RGS7: variants seen among roughly 807,000 people sequenced by gnomAD.
The protein encoded by RGS7 is regulator of G-protein signaling 7.
Under a neutral mutation model 81.1 loss-of-function variants are expected in RGS7, and 27 were observed. The ratio of observed to expected loss-of-function variants is 0.33; its 90% CI spans 0.25 to 0.46. The LOEUF (loss-of-function observed/expected upper bound fraction) is 0.46, where lower values mean the gene tolerates loss of function less well. RGS7 is among the 20% of genes least tolerant of loss of function. The pLI, the probability that RGS7 is intolerant of heterozygous loss-of-function variation, is 1.00. For synonymous variants in RGS7, 208 were observed against 207.7 expected, an observed-to-expected ratio of 1.00 and a Z score of -0.01; for missense variants, 396 against 607.4, an observed-to-expected ratio of 0.65 and a Z score of 3.66.
intron 2 of RGS7, among the ~76,000 whole-genome samples, chr1:241,335,992 G>C (rs1376563718): frequency 2.0e-5 from 3 of 152,026 alleles, no homozygotes; most frequent in Non-Finnish European, 4.4e-5. Flanking sequence ...AGAGTAGTGT[G>C]ATTATGATTG....
intron 9 of RGS7, among the ~76,000 whole-genome samples, chr1:240,864,569 C>A (rs551967605): frequency 6.6e-6 from 1 of 152,258 alleles, no homozygotes; most frequent in Admixed American, 6.5e-5. Context: ...CTAAGTCTTG[C>A]GTTCCTGCAC....
At chr1:241,041,469 A>G (rs2060613414) in intron 3 of RGS7, among the ~76,000 whole-genome samples, 1 of 152,064 alleles carries the variant, frequency 6.6e-6, no homozygotes, top group African/African-American at 2.4e-5. Flanking sequence ...TCTCATGAGT[A>G]TTTTACATAG....
intron 2 of RGS7, among the ~76,000 whole-genome samples, chr1:241,294,295 G>C (rs541540553): frequency 1.8e-4 from 28 of 151,654 alleles, no homozygotes; most frequent in Non-Finnish European, 3.1e-4. Context: ...TGTCGGGGGT[G>C]GGGGGCAAGA....
intron 3 of RGS7, among the ~76,000 whole-genome samples, chr1:241,038,755 C>G (rs1055309754): frequency 2.0e-5 from 3 of 152,094 alleles, no homozygotes; most frequent in Non-Finnish European, 4.4e-5. Context: ...CTTTGGGAAG[C>G]CAAGGTGGGA....
chr1:240,975,319 T>C (rs529481655), intron 4 of RGS7, among the ~76,000 whole-genome samples: 102 of 152,196 alleles, frequency 6.7e-4, no homozygotes, highest in Non-Finnish European at 1.1e-3. Context: ...GGAGAATAGC[T>C]TGAACCTGGG....
intron 3 of RGS7, among the ~76,000 whole-genome samples, chr1:241,091,409 G>A (rs2063864420): frequency 6.6e-6 from 1 of 152,000 alleles, no homozygotes; most frequent in African/African-American, 2.4e-5. Context: ...TTAGCCAAAT[G>A]TGGTGGCAGG....
chr1:241,046,764 A>G (rs1370536133), intron 3 of RGS7, among the ~76,000 whole-genome samples: 2 of 152,146 alleles, frequency 1.3e-5, no homozygotes, highest in Admixed American at 6.6e-5. Context: ...TTTGAATGCC[A>G]TATATATCAT....
At chr1:240,846,922 C>T (rs1659197162) in intron 9 of RGS7, among the ~76,000 whole-genome samples, 2 of 152,128 alleles carry the variant, frequency 1.3e-5, no homozygotes, top group South Asian at 4.2e-4. Context: ...TGACCATAGC[C>T]TTGGCCAACA....
intron 2 of RGS7, among the ~76,000 whole-genome samples, chr1:241,274,462 C>A (rs2078085913): frequency 6.6e-6 from 1 of 152,168 alleles, no homozygotes; most frequent in Non-Finnish European, 1.5e-5. Flanking sequence ...TGCTGCCACT[C>A]TAACACAACT....
intron 2 of RGS7, among the ~76,000 whole-genome samples, chr1:241,245,333 T>C (rs1402236806): frequency 1.3e-5 from 2 of 151,550 alleles, no homozygotes; most frequent in South Asian, 2.1e-4. Context: ...TAAAAGTGTA[T>C]AGCACCTCCC....
At chr1:241,172,354 T>C (rs2070793974) in intron 2 of RGS7, among the ~76,000 whole-genome samples, 1 of 152,016 alleles carries the variant, frequency 6.6e-6, no homozygotes. Flanking sequence ...AATAGTAAAA[T>C]AGTAAAATAA....
chr1:240,792,548 C>T (rs558113345), intron 18 of RGS7, among the ~76,000 whole-genome samples: 1 of 152,276 alleles, frequency 6.6e-6, no homozygotes, highest in East Asian at 1.9e-4. Flanking sequence ...TCTTGTGCCA[C>T]CTTTGCTCTG....
At chr1:241,090,293 A>G (rs1279116630) in intron 3 of RGS7, among the ~76,000 whole-genome samples, 1 of 152,088 alleles carries the variant, frequency 6.6e-6, no homozygotes, top group Non-Finnish European at 1.5e-5. Flanking sequence ...GATGCAACAG[A>G]TATGAGAAGA....
intron 2 of RGS7, among the ~76,000 whole-genome samples, chr1:241,165,752 C>T (rs1387552082): frequency 6.8e-6 from 1 of 148,066 alleles, no homozygotes; most frequent in East Asian, 2.0e-4. Context: ...GAACATTGTG[C>T]ACATGTACCC....
At chr1:241,074,972 A>C (rs557658269) in intron 3 of RGS7, among the ~76,000 whole-genome samples, 18 of 152,258 alleles carry the variant, frequency 1.2e-4, no homozygotes, top group African/African-American at 4.3e-4. Flanking sequence ...TGAATTATTT[A>C]CTGAGCTTCC....
At chr1:241,194,378 G>A (rs1389685412) in intron 2 of RGS7, among the ~76,000 whole-genome samples, 1 of 152,094 alleles carries the variant, frequency 6.6e-6, no homozygotes. Flanking sequence ...ATAGACTCTT[G>A]GACTTGAATT....
intron 2 of RGS7, among the ~76,000 whole-genome samples, chr1:241,174,240 T>C (rs1211481863): frequency 6.6e-6 from 1 of 152,148 alleles, no homozygotes; most frequent in Non-Finnish European, 1.5e-5. Context: ...TTGTTTGAGG[T>C]CCCAGGTTGA....
intron 1 of RGS7, among the ~76,000 whole-genome samples, chr1:241,356,608 G>C (rs2083588737): frequency 6.6e-6 from 1 of 152,160 alleles, no homozygotes; most frequent in Admixed American, 6.5e-5. Context: ...AGCCAAAGAG[G>C]AGAAAACAGG....
At chr1:241,139,442 A>C (rs985180924) in intron 2 of RGS7, among the ~76,000 whole-genome samples, 28 of 152,354 alleles carry the variant, frequency 1.8e-4, no homozygotes, top group African/African-American at 6.5e-4. Flanking sequence ...ACTGTGAATC[A>C]TGCTTCAGCC....
Sources: allele counts gnomAD v4.1 joint callset (sites outside exome capture counted in the v4.1 genomes callset), GRCh38; gene constraint gnomAD v4.1.1; transcripts MANE v1.5; gene names NCBI Gene and HGNC (gene_info 2026-07-23, HGNC 2026-07-21).